The following FARP1 variants were observed in gnomAD, a reference collection of about 807,000 sequenced individuals.
FARP1 encodes FERM, ARHGEF and pleckstrin domain-containing protein 1.
In FARP1, 52 loss-of-function variants were observed where a neutral mutation model predicts 128.8. That is an observed-to-expected ratio of 0.40 (90% CI 0.32 to 0.51). The LOEUF is 0.51. Among genes scored for constraint, FARP1 ranks in the 20% least tolerant of loss-of-function variants. The pLI, the probability that FARP1 is intolerant of heterozygous loss-of-function variation, is 0.45. For synonymous variants in FARP1, 580 were observed against 551.8 expected (o/e 1.05, Z -0.72); for missense variants, 1,333 against 1,367.9 (o/e 0.97, Z 0.40).
At chr13:98,390,349 C>T (rs555861634) in intron 10 of FARP1, among the ~76,000 whole-genome samples, 1 of 152,346 alleles carries the variant, frequency 6.6e-6, no homozygotes, top group African/African-American at 2.4e-5. Context: ...GTCTCTAACT[C>T]AGAAAGGATT....
At chr13:98,178,841 A>G (rs1412598629) in intron 1 of FARP1, among the ~76,000 whole-genome samples, 1 of 152,230 alleles carries the variant, frequency 6.6e-6, no homozygotes, top group East Asian at 1.9e-4. Context: ...CTCTTAGGAT[A>G]GTAATTCTAG....
rs684648 is a variant in FARP1 at position 98,382,534 on chromosome 13, G to C, written c.497-2196G>C. 441 of 152,310 alleles carry C rather than the reference G, an allele frequency of 2.9e-3. 3 individuals are homozygous for C. Among genetic ancestry groups the C allele is most frequent in the African/African-American group, 0.01 (422 of 41,560 alleles). The allele number at this position is 152,310 out of a possible 1,614,324, so 9.4% of individuals were successfully genotyped here. A position where few individuals can be genotyped will look rare whatever the true frequency, so the allele number is the denominator to read the frequency against. On this transcript the variant is annotated intron_variant, in intron 6 of 26. Transcript: ENST00000319562. The stretch of plus-strand genomic sequence containing the variant: ...AGAAGCCCAAACATAAAGCTCACAA[G>C]ACATTTCGGATTTAAGGAATTCCTC...
At chr13:98,436,176 C>A (rs1321415316) in intron 19 of FARP1, 2 of 215,722 alleles carry the variant, frequency 9.3e-6, no homozygotes, top group Non-Finnish European at 9.4e-6. Flanking sequence ...AATTAAAATA[C>A]CAAATCTTAG....
At chr13:98,151,503 A>G (rs1445790068) in intron 1 of FARP1, among the ~76,000 whole-genome samples, 1 of 152,070 alleles carries the variant, frequency 6.6e-6, no homozygotes, top group Non-Finnish European at 1.5e-5. Flanking sequence ...TCTTGCCCAC[A>G]GAAGATCAAT....
At chr13:98,255,298 G>T (rs1212494707) in intron 2 of FARP1, among the ~76,000 whole-genome samples, 1 of 152,100 alleles carries the variant, frequency 6.6e-6, no homozygotes, top group Admixed American at 6.5e-5. Context: ...AGGAGATCGA[G>T]ACCATCCTGG....
chr13:98,274,093 C>G (rs1884517811), intron 2 of FARP1, among the ~76,000 whole-genome samples: 2 of 152,146 alleles, frequency 1.3e-5, no homozygotes, highest in African/African-American at 4.8e-5. Flanking sequence ...CACCAGCATA[C>G]AGAGATTGCT....
chr13:98,151,321 G>A (rs1314509267), intron 1 of FARP1, among the ~76,000 whole-genome samples: 1 of 152,116 alleles, frequency 6.6e-6, no homozygotes, highest in East Asian at 1.9e-4. Context: ...CGCCATCTGC[G>A]GTTTTTAGGC....
intron 24 of FARP1, among the ~76,000 whole-genome samples, chr13:98,442,508 C>T (rs117317540): frequency 0.015 from 2,264 of 152,332 alleles, 32 homozygotes; most frequent in Non-Finnish European, 0.024. Context: ...TCCCCACATA[C>T]GAGGCTCTGT....
chr13:98,419,262 T>G (rs560892830), intron 16 of FARP1, among the ~76,000 whole-genome samples: 1 of 152,184 alleles, frequency 6.6e-6, no homozygotes, highest in Non-Finnish European at 1.5e-5. Context: ...TCACCTGAGG[T>G]CAGGAGTTCA....
intron 2 of FARP1, among the ~76,000 whole-genome samples, chr13:98,295,082 CACACACACACACACACACACACAT>C (rs1166518871): frequency 0.048 from 4,351 of 90,486 alleles, 296 homozygotes; most frequent in African/African-American, 0.14. Context: ...CACACACACA[CACACACACACACACACACACACAT>C]ATATCCCCAG....
intron 1 of FARP1, among the ~76,000 whole-genome samples, chr13:98,190,565 T>C (rs1017461141): frequency 3.8e-5 from 5 of 132,504 alleles, no homozygotes; most frequent in Non-Finnish European, 7.5e-5. Flanking sequence ...CATTTACTTA[T>C]TTATTATTAT....
At chr13:98,214,121 C>T (rs1459238526) in intron 2 of FARP1, among the ~76,000 whole-genome samples, 1 of 152,248 alleles carries the variant, frequency 6.6e-6, no homozygotes, top group African/African-American at 2.4e-5. Flanking sequence ...CCGCTGGAAC[C>T]TCTGGTGCTC....
intron 2 of FARP1, among the ~76,000 whole-genome samples, chr13:98,219,067 T>G (rs1881267630): frequency 6.6e-6 from 1 of 152,200 alleles, no homozygotes; most frequent in South Asian, 2.1e-4. Context: ...GTTCTTTCAT[T>G]CCTTTAATTT....
intron 13 of FARP1, chr13:98,404,575 C>CA (rs976779008): frequency 2.2e-4 from 34 of 152,088 alleles, no homozygotes; most frequent in African/African-American, 7.7e-4. Flanking sequence ...TAGAGCCTTT[C>CA]AAAAAAATAG....
rs1222903228 is a variant in FARP1, at chr13:98,379,142, T to C, written c.496+1224T>C. On this transcript the variant is annotated intron_variant, in intron 6 of 26. Coordinates refer to ENST00000319562, the MANE Select transcript of FARP1 (RefSeq NM_005766.4). ...TATATAATATATATATAATATATAA[T>C]CTATATATAATATATATATAATATA... Among the ~76,000 whole-genome samples the C allele has an allele frequency of 3.5e-5, 3 of 86,582 alleles. 1 individual carries two copies. The East Asian group carries it at 8.3e-4, about 24-fold the overall frequency. The allele number at this position is 86,582 out of a possible 152,430, so 56.8% of individuals were successfully genotyped here.
At chr13:98,440,085 T>A in intron 22 of FARP1, 38 bp from the exon 23 acceptor site, 1 of 1,609,684 alleles carries the variant, frequency 6.2e-7, no homozygotes, top group South Asian at 1.1e-5. Context: ...CCCTTTGATG[T>A]GCTGTGGCCT....
intron 1 of FARP1, among the ~76,000 whole-genome samples, chr13:98,204,367 C>T (rs1361351776): frequency 6.6e-6 from 1 of 152,172 alleles, no homozygotes; most frequent in African/African-American, 2.4e-5. Flanking sequence ...TTAAAATCTT[C>T]CTATTATCAG....
In FARP1 at chr13:98,378,919, T is replaced by TAA. The variant is rs201959159; in HGVS notation, c.496+1002_496+1003dup. On this transcript the variant is annotated intron_variant, in intron 6 of 26. Coordinates refer to ENST00000319562, the MANE Select transcript of FARP1 (RefSeq NM_005766.4). ...TATATATATATATATAATATATATA[T>TAA]AATATATACAATATATAATCTATAT... 7.0e-3 allele frequency among the ~76,000 whole-genome samples: 814 copies of TAA among 116,472 alleles called. 79 individuals carry two copies. The highest frequency in any genetic ancestry group is 0.032 in the African/African-American group (756 of 23,720). 76.4% of individuals were successfully genotyped at this position (116,472 alleles called of 152,430 possible). A position where few individuals can be genotyped will look rare whatever the true frequency, so the allele number is the denominator to read the frequency against.
chr13:98,394,870 AG>A (rs1342174305), intron 12 of FARP1, among the ~76,000 whole-genome samples: 4 of 152,200 alleles, frequency 2.6e-5, no homozygotes, highest in Non-Finnish European at 4.4e-5. Flanking sequence ...GGCCGCTGTG[AG>A]CTGTGGTTGC....
Sources: allele counts gnomAD v4.1 joint callset (sites outside exome capture counted in the v4.1 genomes callset), GRCh38; gene constraint gnomAD v4.1.1; transcripts MANE v1.5; gene names NCBI Gene and HGNC (gene_info 2026-07-23, HGNC 2026-07-21).